SLC7A13: variants seen among roughly 807,000 people sequenced by gnomAD.
SLC7A13 encodes the protein X-amino acid transporter 2.
A neutral mutation model predicts 32.0 loss-of-function variants in SLC7A13; 31 were observed. The observed-to-expected ratio is 0.97, with a 90% CI of 0.73 to 1.31. SLC7A13 has a LOEUF of 1.31. Ranked by LOEUF, SLC7A13 falls within the 50% of genes most tolerant of loss-of-function variation. The pLI is 0.00. For synonymous variants in SLC7A13, 232 were observed against 206.9 expected (o/e 1.12, Z -1.04); for missense variants, 633 against 546.9 (o/e 1.16, Z -1.57).
At chr8:86,215,893 T>C (rs920384553) in intron 3 of SLC7A13, among the ~76,000 whole-genome samples, 2 of 152,138 alleles carry the variant, frequency 1.3e-5, no homozygotes, top group African/African-American at 4.8e-5. Flanking sequence ...CAAATGTAAG[T>C]TGAATAATAA....
At chr8:86,224,011 C>T (rs1438982502) in intron 1 of SLC7A13, among the ~76,000 whole-genome samples, 2 of 152,070 alleles carry the variant, frequency 1.3e-5, no homozygotes, top group South Asian at 4.1e-4. Context: ...AAGTCCTAGG[C>T]ATTGAGTTTG....
Position 86,222,869 on chromosome 8 carries a change from A to G in SLC7A13, c.817+103T>C, listed in dbSNP as rs909097344. The G allele has an allele frequency of 8.7e-6, 10 of 1,152,884 alleles. No individual in the cohort carries two copies. In the African/African-American group the frequency reaches 1.1e-4, roughly 13 times the overall value. 71.4% of individuals were successfully genotyped at this position (1,152,884 alleles called of 1,614,324 possible). On this transcript the variant is annotated intron_variant, in intron 2 of 3. Coordinates refer to ENST00000297524, the MANE Select transcript of SLC7A13 (RefSeq NM_138817.3). ...TTAGAAAATTATAAGTTGATTCCAT[A>G]TATAGAATAATGAACAGTAAACAGT...
chr8:86,222,595 A>G lies in SLC7A13; in HGVS notation c.817+377T>C, dbSNP rs530198796. On this transcript the variant is annotated intron_variant, in intron 2 of 3. Transcript: ENST00000297524. The stretch of plus-strand genomic sequence containing the variant: ...CAATATTCTACACTTCGAATTGATC[A>G]TTTTTTGTGACACCTAGAAAAACAT... 6.6e-5 allele frequency among the ~76,000 whole-genome samples: 10 copies of G among 152,246 alleles called. No individual in the cohort carries two copies. The East Asian group carries it at 1.9e-3, about 29-fold the overall frequency.
intron 1 of SLC7A13, among the ~76,000 whole-genome samples, chr8:86,227,008 T>C (rs1820397406): frequency 1.3e-5 from 2 of 152,174 alleles, no homozygotes; most frequent in Admixed American, 1.3e-4. Flanking sequence ...TTTTAAACCA[T>C]GATGTACATT....
intron 2 of SLC7A13, among the ~76,000 whole-genome samples, chr8:86,219,169 G>A (rs1820245744): frequency 6.6e-6 from 1 of 151,900 alleles, no homozygotes; most frequent in Non-Finnish European, 1.5e-5. Context: ...GATATTGTTG[G>A]TTGTTTCTCC....
In SLC7A13 at chr8:86,217,520, C is replaced by A. The variant is rs373599056; in HGVS notation, c.1129G>T (p.Gly377Ter). 4 of 1,604,490 alleles carry A rather than the reference C, an allele frequency of 2.5e-6. No individual in the cohort carries two copies. Among genetic ancestry groups the A allele is most frequent in the Non-Finnish European group, 3.4e-6 (4 of 1,176,596 alleles). Residue 377 changes from glycine to a stop codon, truncating the protein, a stop_gained, in exon 3 of 4, where the codon GGA (glycine) becomes TGA (stop). Coordinates refer to ENST00000297524, the MANE Select transcript of SLC7A13 (RefSeq NM_138817.3). LOFTEE classifies it low-confidence loss of function (END_TRUNC). ...TCCTGGTATCTCCGCCTTAGTATTCCTATCATTAATAATATAGACCATAAT... is the reference window on the plus strand; with the variant it reads ...TCCTGGTATCTCCGCCTTAGTATTCATATCATTAATAATATAGACCATAAT... ...GSLWSILLMI[G>*]ILRRRYQEPN...
intron 1 of SLC7A13, among the ~76,000 whole-genome samples, chr8:86,227,447 T>C (rs1265697690): frequency 1.3e-5 from 2 of 152,156 alleles, no homozygotes; most frequent in East Asian, 3.8e-4. Flanking sequence ...GATGAAAACT[T>C]CTGTCTAACA....
rs150589297 is a variant in SLC7A13, at chr8:86,228,553, T to C, written c.685+1040A>G. Among the ~76,000 whole-genome samples, 162 of 151,980 alleles carry C rather than the reference T, an allele frequency of 1.1e-3. 1 individual carries two copies. The highest frequency in any genetic ancestry group is 3.7e-3 in the African/African-American group (153 of 41,436). On this transcript the variant is annotated intron_variant, in intron 1 of 3. Transcript: ENST00000297524. ...CACACTCAGATAATTTTTTAAGAAA[T>C]CTGAGGAGGTGGGCAGGTGCAGTGG...
intron 2 of SLC7A13, among the ~76,000 whole-genome samples, chr8:86,221,102 A>C (rs762066666): frequency 1.1e-4 from 16 of 152,294 alleles, no homozygotes; most frequent in Middle Eastern, 6.8e-3. Flanking sequence ...TAAAGTAAAA[A>C]TCACATACAA....
intron 3 of SLC7A13, among the ~76,000 whole-genome samples, chr8:86,215,039 A>G (rs1022940980): frequency 6.6e-6 from 1 of 152,190 alleles, no homozygotes; most frequent in Non-Finnish European, 1.5e-5. Context: ...CAAAACAGAA[A>G]GACTATCCTC....
At chr8:86,221,991 A>G (rs1211224691) in intron 2 of SLC7A13, among the ~76,000 whole-genome samples, 1 of 152,086 alleles carries the variant, frequency 6.6e-6, no homozygotes, top group Non-Finnish European at 1.5e-5. Context: ...CTGAATTTGC[A>G]TTTGGTTTTT....
intron 2 of SLC7A13, among the ~76,000 whole-genome samples, chr8:86,220,565 C>CT (rs929925342): frequency 1.2e-4 from 18 of 152,166 alleles, no homozygotes; most frequent in African/African-American, 4.1e-4. Flanking sequence ...TGGTGTAATT[C>CT]TTTCAATGTT....
intron 1 of SLC7A13, among the ~76,000 whole-genome samples, chr8:86,227,180 G>C (rs1033836796): frequency 5.3e-5 from 8 of 152,118 alleles, no homozygotes; most frequent in African/African-American, 1.9e-4. Flanking sequence ...TTTAAAAATA[G>C]TCTTTGAAAA....
chr8:86,221,543 C>T (rs1820296865), intron 2 of SLC7A13, among the ~76,000 whole-genome samples: 2 of 152,048 alleles, frequency 1.3e-5, no homozygotes, highest in South Asian at 2.1e-4. Context: ...TATACGTGTG[C>T]CATGCTGGTG....
In SLC7A13 at chr8:86,214,131, A is replaced by G. The variant is rs985105547; in HGVS notation, c.*282T>C. 2.6e-5 allele frequency: 6 copies of G among 227,884 alleles called. No homozygotes were observed. The South Asian group carries it at 7.2e-4, about 27-fold the overall frequency. The allele number at this position is 227,884 out of a possible 1,614,324, so 14.1% of individuals were successfully genotyped here. A position where few individuals can be genotyped will look rare whatever the true frequency, so the allele number is the denominator to read the frequency against. ...TAGAAAAGGGGTGGGATACAGAAAAAAAAAGTGAGAGAATGGAAGTTGTAT... is the reference window on the plus strand; with the variant it reads ...TAGAAAAGGGGTGGGATACAGAAAAGAAAAGTGAGAGAATGGAAGTTGTAT... On this transcript the variant is annotated 3_prime_UTR_variant, in exon 4 of 4. Coordinates refer to ENST00000297524, the MANE Select transcript of SLC7A13 (RefSeq NM_138817.3).
chr8:86,230,359 G>T lies in SLC7A13; in HGVS notation c.-82C>A. 8.1e-7 allele frequency: 1 copy of T among 1,227,284 alleles called. No homozygotes were observed. Among genetic ancestry groups the T allele is most frequent in the Middle Eastern group, 2.0e-4 (1 of 5,002 alleles). The allele number at this position is 1,227,284 out of a possible 1,614,324, so 76.0% of individuals were successfully genotyped here. On this transcript the variant is annotated 5_prime_UTR_variant, in exon 1 of 4. Coordinates refer to ENST00000297524, the MANE Select transcript of SLC7A13 (RefSeq NM_138817.3). ...TATGTAGCTGCAAAGGATGTTGATGGATTCCTGAAATAAAATAATTCTGTC... is the reference window on the plus strand; with the variant it reads ...TATGTAGCTGCAAAGGATGTTGATGTATTCCTGAAATAAAATAATTCTGTC...
At chr8:86,228,874 A>T (rs71525041) in intron 1 of SLC7A13, among the ~76,000 whole-genome samples, 20,518 of 151,278 alleles carry the variant, frequency 0.14, 1,677 homozygotes, top group Admixed American at 0.21. Context: ...GAGGAGAGGG[A>T]TCTCACTATT....
intron 3 of SLC7A13, among the ~76,000 whole-genome samples, chr8:86,216,084 G>C (rs966703746): frequency 1.3e-5 from 2 of 152,072 alleles, no homozygotes; most frequent in African/African-American, 4.8e-5. Flanking sequence ...AACTGGACTT[G>C]AGCCCAAAAC....
At chr8:86,217,941 C>T in intron 2 of SLC7A13, 110 bp from the exon 3 acceptor site, 1 of 1,193,242 alleles carries the variant, frequency 8.4e-7, no homozygotes, top group Non-Finnish European at 1.1e-6. Context: ...TAATTAATAA[C>T]ATTTAGTTTG....
Sources: allele counts gnomAD v4.1 joint callset (sites outside exome capture counted in the v4.1 genomes callset), GRCh38; gene constraint gnomAD v4.1.1; transcripts MANE v1.5; gene names NCBI Gene and HGNC (gene_info 2026-07-23, HGNC 2026-07-21).